The following ZC3H15 variants were observed in gnomAD, a reference collection of about 807,000 sequenced individuals.
ZC3H15 encodes zinc finger CCCH-type containing 15.
ZC3H15 carries 15 observed loss-of-function variants against 51.2 expected under a neutral mutation model. That is an observed-to-expected ratio of 0.29 (90% confidence interval 0.20 to 0.45). The LOEUF (loss-of-function observed/expected upper bound fraction) is 0.45. Ranked by LOEUF, ZC3H15 falls within the 20% of genes least tolerant of loss-of-function variation. ZC3H15 has a pLI of 1.00. For missense variants in ZC3H15, 381 were observed against 494.7 expected, an observed-to-expected ratio of 0.77 and a Z score of 2.18; for synonymous variants, 144 against 162.8, an observed-to-expected ratio of 0.88 and a Z score of 0.88.
At position 186,502,708 on chromosome 2, in the gene ZC3H15, A is replaced by T. The variant is rs1358562893; in HGVS notation, c.534+121A>T. 3.8e-6 allele frequency: 3 copies of T among 798,530 alleles called. No individual in the cohort carries two copies. In the African/African-American group the frequency reaches 5.2e-5, roughly 14 times the overall value. 49.5% of individuals were successfully genotyped at this position (798,530 alleles called of 1,614,324 possible). On this transcript the variant is annotated intron_variant, in intron 5 of 9. Coordinates refer to ENST00000337859, the MANE Select transcript of ZC3H15 (RefSeq NM_018471.3). ...GTAAGTTACTGGAAAATTTGATTTC[A>T]TCAAGATAAGGTACACGAAGCTTTA...
At chr2:186,497,241 C>A in intron 2 of ZC3H15, 2 of 364,804 alleles carry the variant, frequency 5.5e-6, no homozygotes, top group Non-Finnish European at 1.0e-5. Flanking sequence ...TTTTAAAAAT[C>A]TGCTAATATG....
At position 186,508,942 on chromosome 2, in the gene ZC3H15, A is replaced by C; in HGVS notation, c.*209A>C. The C allele has an allele frequency of 1.5e-6, 1 of 648,404 alleles. No individual in the cohort carries two copies. The highest frequency in any genetic ancestry group is 2.8e-6 in the Non-Finnish European group (1 of 357,608). The allele number at this position is 648,404 out of a possible 1,614,324, so 40.2% of individuals were successfully genotyped here. ...AGTAAGTTCAGAGTAGTTCATGATAAATTGAAAATATAATGGTCATTGCAG... is the reference window on the plus strand; with the variant it reads ...AGTAAGTTCAGAGTAGTTCATGATACATTGAAAATATAATGGTCATTGCAG... On this transcript the variant is annotated 3_prime_UTR_variant, in exon 10 of 10. Transcript: ENST00000337859.
At chr2:186,508,484 CT>C in intron 9 of ZC3H15, 58 bp from the exon 10 acceptor site, 2 of 1,473,110 alleles carry the variant, frequency 1.4e-6, no homozygotes, top group Non-Finnish European at 1.9e-6. Flanking sequence ...TTGTCTATTG[CT>C]AATGTGGAAT....
chr2:186,496,662 TAG>T (rs1685287151), intron 2 of ZC3H15, among the ~76,000 whole-genome samples: 1 of 152,200 alleles, frequency 6.6e-6, no homozygotes, highest in South Asian at 2.1e-4. Flanking sequence ...GCAAATATCA[TAG>T]AGTGTACTTA....
intron 9 of ZC3H15, among the ~76,000 whole-genome samples, chr2:186,508,118 C>G (rs892948135): frequency 2.6e-5 from 4 of 152,070 alleles, no homozygotes; most frequent in Non-Finnish European, 5.9e-5. Flanking sequence ...AGCATTACAA[C>G]AGCATGATTT....
At chr2:186,503,698 G>C (rs1454569492) in intron 5 of ZC3H15, among the ~76,000 whole-genome samples, 1 of 152,094 alleles carries the variant, frequency 6.6e-6, no homozygotes, top group Non-Finnish European at 1.5e-5. Flanking sequence ...ATTTTTTATA[G>C]CTAATTGTAT....
intron 2 of ZC3H15, among the ~76,000 whole-genome samples, chr2:186,497,987 C>A (rs1024777497): frequency 4.6e-5 from 7 of 152,132 alleles, no homozygotes; most frequent in African/African-American, 1.7e-4. Flanking sequence ...TGTCTCCCCT[C>A]AGGTAAGGAG....
chr2:186,490,743 C>T (rs1303672855), intron 1 of ZC3H15, among the ~76,000 whole-genome samples: 2 of 152,102 alleles, frequency 1.3e-5, no homozygotes, highest in African/African-American at 2.4e-5. Flanking sequence ...AATGGGATTA[C>T]GTACGGATGG....
At chr2:186,486,545 T>C in intron 1 of ZC3H15, 88 bp downstream of exon 1, 1 of 1,411,994 alleles carries the variant, frequency 7.1e-7, no homozygotes, top group African/African-American at 1.4e-5. Context: ...CCGGCTCGCT[T>C]CCTCGGGCCA....
intron 2 of ZC3H15, among the ~76,000 whole-genome samples, chr2:186,495,776 G>T (rs1022319291): frequency 1.3e-5 from 2 of 152,208 alleles, no homozygotes; most frequent in Admixed American, 6.5e-5. Flanking sequence ...TTCCATAGAG[G>T]CTGTAGTACT....
intron 1 of ZC3H15, among the ~76,000 whole-genome samples, chr2:186,487,855 C>G (rs1324255828): frequency 7.2e-5 from 11 of 152,128 alleles, no homozygotes; most frequent in Non-Finnish European, 1.0e-4. Flanking sequence ...CATTGTAGAG[C>G]TTTCTCTATA....
chr2:186,506,948 G>A (rs1359055118), intron 9 of ZC3H15, 112 bp downstream of exon 9: 14 of 1,196,808 alleles, frequency 1.2e-5, no homozygotes, highest in Non-Finnish European at 1.6e-5. Context: ...TAACATAAAT[G>A]TGTGGTTTGA....
At position 186,504,232 on chromosome 2, in the gene ZC3H15, C is replaced by A; in HGVS notation, c.717+18C>A. Reference sequence around the variant, plus strand: ...AGAGAGAGGTAACTGGTATCCTTTTCCTACCATAAAAACTGAAAGCAGTAT... The same window carrying A: ...AGAGAGAGGTAACTGGTATCCTTTTACTACCATAAAAACTGAAAGCAGTAT... On this transcript the variant is annotated intron_variant, in intron 6 of 9. Transcript: ENST00000337859. 6.5e-7 allele frequency: 1 copy of A among 1,532,890 alleles called. No individual in the cohort carries two copies. The highest frequency in any genetic ancestry group is 8.8e-7 in the Non-Finnish European group (1 of 1,139,948). 95.0% of individuals were successfully genotyped at this position (1,532,890 alleles called of 1,614,324 possible). A position where few individuals can be genotyped will look rare whatever the true frequency, so the allele number is the denominator to read the frequency against.
chr2:186,504,010 G>A, intron 5 of ZC3H15, 22 bp from the exon 6 acceptor site: 1 of 1,531,106 alleles, frequency 6.5e-7, no homozygotes, highest in Non-Finnish European at 8.8e-7. Context: ...GCCACCGCTT[G>A]TGAATAATAT....
intron 1 of ZC3H15, among the ~76,000 whole-genome samples, chr2:186,492,734 C>G (rs1685220257): frequency 6.6e-6 from 1 of 152,018 alleles, no homozygotes; most frequent in South Asian, 2.1e-4. Flanking sequence ...TTTTCTTTTT[C>G]TAGCTTGTCC....
chr2:186,492,985 T>C (rs1242395761), intron 1 of ZC3H15, among the ~76,000 whole-genome samples: 1 of 152,062 alleles, frequency 6.6e-6, no homozygotes, highest in Non-Finnish European at 1.5e-5. Context: ...ACATCTGTAA[T>C]CTTGGACCTC....
intron 3 of ZC3H15, 68 bp downstream of exon 3, chr2:186,500,361 G>T (rs1411114702): frequency 7.8e-7 from 1 of 1,280,316 alleles, no homozygotes; most frequent in African/African-American, 1.5e-5. Flanking sequence ...TATTTATTTT[G>T]ATGTTTATTT....
chr2:186,497,632 A>G (rs562775447), intron 2 of ZC3H15, among the ~76,000 whole-genome samples: 1 of 152,154 alleles, frequency 6.6e-6, no homozygotes, highest in African/African-American at 2.4e-5. Context: ...TTTCTGGTGA[A>G]TATAGATATC....
intron 2 of ZC3H15, 40 bp downstream of exon 2, chr2:186,495,374 T>A: frequency 9.0e-7 from 1 of 1,112,994 alleles, no homozygotes. Context: ...ATAAATGTAA[T>A]ATTAATATAG....
Sources: allele counts gnomAD v4.1 joint callset (sites outside exome capture counted in the v4.1 genomes callset), GRCh38; gene constraint gnomAD v4.1.1; transcripts MANE v1.5; gene names NCBI Gene and HGNC (gene_info 2026-07-23, HGNC 2026-07-21).